ZNF365: variants seen among roughly 807,000 people sequenced by gnomAD.
ZNF365 encodes the protein zinc finger protein 365, also known as protein ZNF365.
A neutral mutation model predicts 35.0 loss-of-function variants in ZNF365; 22 were observed. That is an observed-to-expected ratio of 0.63 (90% CI 0.45 to 0.90). The LOEUF is 0.90. Ranked by LOEUF, ZNF365 falls within the 40% of genes least tolerant of loss-of-function variation. The pLI is 0.00. For missense variants in ZNF365, 448 were observed against 500.3 expected (o/e 0.90, Z 1.00); for synonymous variants, 188 against 196.2 (o/e 0.96, Z 0.35).
rs1175807228 is a variant in ZNF365, at chr10:62,401,816, T to G, written c.*2027T>G. ...TCTAACATAGAGGGCATGGCAACTC[T>G]CTTTGACAGTGGTACCCCATGATCT... On this transcript the variant is annotated 3_prime_UTR_variant, in exon 5 of 5. Coordinates refer to ENST00000395254, the MANE Select transcript of ZNF365 (RefSeq NM_014951.3). 2 of 985,460 alleles carry G rather than the reference T, an allele frequency of 2.0e-6. No homozygotes were observed. The highest frequency in any genetic ancestry group is 1.2e-6 in the Non-Finnish European group (1 of 829,928). The allele number at this position is 985,460 out of a possible 1,614,324, so 61.0% of individuals were successfully genotyped here. A position where few individuals can be genotyped will look rare whatever the true frequency, so the allele number is the denominator to read the frequency against.
In ZNF365 at chr10:62,377,009, T is replaced by C. The variant is rs1311372746; in HGVS notation, c.743+73T>C. On this transcript the variant is annotated intron_variant, in intron 2 of 4. Coordinates refer to ENST00000395254, the MANE Select transcript of ZNF365 (RefSeq NM_014951.3). The stretch of plus-strand genomic sequence containing the variant: ...CCCCAATCGCCTTACAAGCAAATGC[T>C]AAGCAAGGTTGATTTTTGCTATTTG... 3.3e-6 allele frequency: 5 copies of C among 1,518,156 alleles called. No individual in the cohort carries two copies. In the African/African-American group the frequency reaches 7.0e-5, roughly 21 times the overall value. The allele number at this position is 1,518,156 out of a possible 1,614,324, so 94.0% of individuals were successfully genotyped here.
At chr10:62,448,938 A>G (rs936767086) in intron 3 of ZNF365, among the ~76,000 whole-genome samples, 3 of 152,224 alleles carry the variant, frequency 2.0e-5, no homozygotes, top group Non-Finnish European at 4.4e-5. Context: ...TCCAACTTTG[A>G]ACATTATCCA....
At chr10:62,432,375 A>C (rs1293855208) in intron 3 of ZNF365, among the ~76,000 whole-genome samples, 16 of 152,180 alleles carry the variant, frequency 1.1e-4, no homozygotes. Context: ...TGTTAATTCA[A>C]CCCTGAATTC....
chr10:62,439,399 A>C (rs1243966573), intron 3 of ZNF365, among the ~76,000 whole-genome samples: 2 of 152,156 alleles, frequency 1.3e-5, no homozygotes, highest in South Asian at 2.1e-4. Context: ...AAAAAAAAAA[A>C]AATGTTGACT....
chr10:62,418,604 G>A lies in ZNF365; in HGVS notation c.924+30028G>A, dbSNP rs1004784811. 2.4e-4 allele frequency among the ~76,000 whole-genome samples: 22 copies of A among 91,840 alleles called. 1 individual carries two copies. The highest frequency in any genetic ancestry group is 1.3e-3 in the Admixed American group (12 of 9,508). The allele number at this position is 91,840 out of a possible 152,430, so 60.3% of individuals were successfully genotyped here. A position where few individuals can be genotyped will look rare whatever the true frequency, so the allele number is the denominator to read the frequency against. On this transcript the variant is annotated intron_variant, in intron 3 of 4. Transcript: ENST00000395255. Reference sequence around the variant, plus strand: ...AATTAGATGTTTATAATAAATTTTCGTAATAAAAAAAATCAGGCTTCAAGT... The same window carrying A: ...AATTAGATGTTTATAATAAATTTTCATAATAAAAAAAATCAGGCTTCAAGT...
At position 62,437,720 on chromosome 10, in the gene ZNF365, T is replaced by C. The variant is rs575321643; in HGVS notation, c.925-22021T>C. Among the ~76,000 whole-genome samples, 7 of 152,290 alleles carry C rather than the reference T, an allele frequency of 4.6e-5. No individual in the cohort carries two copies. In the East Asian group the frequency reaches 1.2e-3, roughly 25 times the overall value. ...TAAAGGTTGTGAGATTGGTAGCAAA[T>C]GCACTTTTCTGTAAATCTCCTGGCT... On this transcript the variant is annotated intron_variant, in intron 3 of 4. Transcript: ENST00000395255.
In ZNF365 at chr10:62,402,085, T is replaced by A; in HGVS notation, c.*2296T>A. On this transcript the variant is annotated 3_prime_UTR_variant, in exon 5 of 5. Coordinates refer to ENST00000395254, the MANE Select transcript of ZNF365 (RefSeq NM_014951.3). The stretch of plus-strand genomic sequence containing the variant: ...CCTGAGCTAAGTACCATGTCCTGTT[T>A]GTGTCTTATTTTTAAATATTTTCTT... 1.0e-6 allele frequency: 1 copy of A among 985,896 alleles called. No individual in the cohort carries two copies. Among genetic ancestry groups the A allele is most frequent in the Non-Finnish European group, 1.2e-6 (1 of 829,922 alleles). The allele number at this position is 985,896 out of a possible 1,614,324, so 61.1% of individuals were successfully genotyped here. A position where few individuals can be genotyped will look rare whatever the true frequency, so the allele number is the denominator to read the frequency against.
intron 4 of ZNF365, among the ~76,000 whole-genome samples, chr10:62,399,182 C>T (rs112102309): frequency 4.3e-4 from 66 of 152,268 alleles, no homozygotes; most frequent in African/African-American, 1.5e-3. Flanking sequence ...GTCTGCTAGT[C>T]GTCACTTAAC....
intron 3 of ZNF365, among the ~76,000 whole-genome samples, chr10:62,455,126 G>A (rs181396440): frequency 9.2e-5 from 14 of 152,288 alleles, no homozygotes; most frequent in Non-Finnish European, 1.3e-4. Flanking sequence ...ACTTGTAAAG[G>A]ACAGAAAAAC....
At chr10:62,432,216 G>A (rs982659011) in intron 3 of ZNF365, among the ~76,000 whole-genome samples, 8 of 152,164 alleles carry the variant, frequency 5.3e-5, no homozygotes, top group African/African-American at 1.2e-4. Context: ...GCCTTTGTCC[G>A]GATTAGCATT....
chr10:62,476,044 T>C (rs1195176972), intron 4 of ZNF365, among the ~76,000 whole-genome samples: 2 of 152,012 alleles, frequency 1.3e-5, no homozygotes, highest in Non-Finnish European at 2.9e-5. Context: ...GATAAGTTAT[T>C]AGAGACATAT....
intron 2 of ZNF365, among the ~76,000 whole-genome samples, chr10:62,384,860 A>C (rs1839501578): frequency 6.6e-6 from 1 of 152,226 alleles, no homozygotes; most frequent in Non-Finnish European, 1.5e-5. Flanking sequence ...GAGTGTAATT[A>C]TGAAAGAGGT....
chr10:62,426,115 C>A (rs550980916), intron 3 of ZNF365, among the ~76,000 whole-genome samples: 1 of 152,176 alleles, frequency 6.6e-6, no homozygotes, highest in East Asian at 1.9e-4. Context: ...TTCATCTTTG[C>A]CCCCACACCT....
intron 3 of ZNF365, among the ~76,000 whole-genome samples, chr10:62,415,850 A>AG (rs1446994854): frequency 6.6e-6 from 1 of 152,180 alleles, no homozygotes; most frequent in African/African-American, 2.4e-5. Context: ...AAATGCCCCT[A>AG]GGAAAAAGTG....
intron 3 of ZNF365, among the ~76,000 whole-genome samples, chr10:62,429,986 C>G (rs368468265): frequency 2.0e-5 from 3 of 152,082 alleles, no homozygotes; most frequent in East Asian, 1.9e-4. Flanking sequence ...ATTCTATATG[C>G]AGGGTTTATA....
At chr10:62,408,567 C>T (rs1313414055) in intron 3 of ZNF365, among the ~76,000 whole-genome samples, 2 of 152,114 alleles carry the variant, frequency 1.3e-5, no homozygotes, top group African/African-American at 2.4e-5. Context: ...AGGTTTTTAG[C>T]ATAATACCTG....
At chr10:62,476,941 A>G (rs1363056286) in intron 4 of ZNF365, among the ~76,000 whole-genome samples, 4 of 152,230 alleles carry the variant, frequency 2.6e-5, no homozygotes, top group African/African-American at 9.6e-5. Flanking sequence ...GAGAAAAAAT[A>G]GTTGTATCTT....
At chr10:62,378,665 C>T (rs1163364261) in intron 2 of ZNF365, among the ~76,000 whole-genome samples, 2 of 152,172 alleles carry the variant, frequency 1.3e-5, no homozygotes, top group East Asian at 3.8e-4. Flanking sequence ...TGTTAAGTTC[C>T]GTAAATGTCC....
intron 3 of ZNF365, among the ~76,000 whole-genome samples, chr10:62,391,938 C>T (rs1392711307): frequency 2.6e-5 from 4 of 152,202 alleles, no homozygotes; most frequent in African/African-American, 4.8e-5. Flanking sequence ...TTCATTATGG[C>T]CATTCTTGCA....
Sources: gnomAD v4.1 joint callset for allele counts (sites outside exome capture counted in the v4.1 genomes callset) on GRCh38, gnomAD v4.1.1 for gene constraint, MANE v1.5 for transcripts, NCBI Gene and HGNC (gene_info 2026-07-23, HGNC 2026-07-21) for gene names.